HEMK2: variants seen among roughly 807,000 people sequenced by gnomAD.
The protein encoded by HEMK2 is methyltransferase HEMK2.
chr21:28,842,029 C>T, the HEMK2 span, among the ~76,000 whole-genome samples: 3 of 152,094 alleles, frequency 2.0e-5, no homozygotes, highest in African/African-American at 4.8e-5. Context: ...CTTTTCACTA[C>T]GATAAACTGT....
the HEMK2 span, among the ~76,000 whole-genome samples, chr21:28,708,500 T>G: frequency 1.3e-5 from 2 of 152,186 alleles, no homozygotes; most frequent in Non-Finnish European, 2.9e-5. Flanking sequence ...AAATAAGATA[T>G]CATGTGGGCA....
chr21:28,705,318 C>CT, the HEMK2 span, among the ~76,000 whole-genome samples: 1 of 133,102 alleles, frequency 7.5e-6, no homozygotes, highest in East Asian at 2.6e-4. Flanking sequence ...TTTTAAGACT[C>CT]TTTTTTACTA....
At chr21:28,737,024 T>C in the HEMK2 span, among the ~76,000 whole-genome samples, 1 of 152,152 alleles carries the variant, frequency 6.6e-6, no homozygotes, top group Non-Finnish European at 1.5e-5. Context: ...AACTCAGAAG[T>C]TAAAAGAGAC....
chr21:28,843,137 CAT>C, the HEMK2 span, among the ~76,000 whole-genome samples: 8 of 152,152 alleles, frequency 5.3e-5, no homozygotes, highest in African/African-American at 4.8e-5. Context: ...ACTTGAAACA[CAT>C]GTGGTTTCAA....
the HEMK2 span, among the ~76,000 whole-genome samples, chr21:28,793,462 ACTTC>A: frequency 6.6e-6 from 1 of 151,786 alleles, no homozygotes; most frequent in African/African-American, 2.4e-5. Context: ...AACCAACTTC[ACTTC>A]ACGATTCTGT....
At chr21:28,713,325 TC>T in the HEMK2 span, among the ~76,000 whole-genome samples, 1 of 152,058 alleles carries the variant, frequency 6.6e-6, no homozygotes, top group Non-Finnish European at 1.5e-5. Context: ...ACTCCGCCAC[TC>T]TATTAACAGC....
the HEMK2 span, among the ~76,000 whole-genome samples, chr21:28,664,931 C>T: frequency 6.6e-6 from 1 of 152,058 alleles, no homozygotes; most frequent in East Asian, 1.9e-4. Flanking sequence ...CACTCCTAAG[C>T]TTTTCAATTC....
the HEMK2 span, among the ~76,000 whole-genome samples, chr21:28,868,094 A>C: frequency 6.6e-6 from 1 of 152,002 alleles, no homozygotes; most frequent in Non-Finnish European, 1.5e-5. Flanking sequence ...ATGTTTCTTT[A>C]TGGACTTTCC....
At chr21:28,718,555 C>CT in the HEMK2 span, among the ~76,000 whole-genome samples, 1 of 151,776 alleles carries the variant, frequency 6.6e-6, no homozygotes, top group Non-Finnish European at 1.5e-5. Context: ...GTGGCTAAGT[C>CT]TTTTTTTAGG....
At chr21:28,775,996 T>C in the HEMK2 span, among the ~76,000 whole-genome samples, 2 of 151,714 alleles carry the variant, frequency 1.3e-5, no homozygotes, top group Non-Finnish European at 2.9e-5. Context: ...GAAGACAAAA[T>C]ATGCAATGGC....
At chr21:28,750,464 C>A in the HEMK2 span, among the ~76,000 whole-genome samples, 173 of 152,104 alleles carry the variant, frequency 1.1e-3, no homozygotes, top group African/African-American at 4.0e-3. Flanking sequence ...TCTGGGAGGC[C>A]AAGGCAGGCA....
chr21:28,820,717 T>A, the HEMK2 span, among the ~76,000 whole-genome samples: 1 of 152,216 alleles, frequency 6.6e-6, no homozygotes, highest in Admixed American at 6.5e-5. Context: ...CAGCAAACCT[T>A]CCAAGCTTTC....
the HEMK2 span, chr21:28,878,082 TTAAG>T: frequency 1.0e-6 from 1 of 967,572 alleles, no homozygotes; most frequent in Middle Eastern, 3.4e-4. Context: ...ATTAACTGTT[TTAAG>T]TGATTCATTA....
At chr21:28,747,230 C>T in the HEMK2 span, among the ~76,000 whole-genome samples, 1 of 152,090 alleles carries the variant, frequency 6.6e-6, no homozygotes, top group African/African-American at 2.4e-5. Flanking sequence ...TTCTGGGTGG[C>T]GAGAAGCAAA....
At chr21:28,755,167 C>T in the HEMK2 span, among the ~76,000 whole-genome samples, 1 of 152,066 alleles carries the variant, frequency 6.6e-6, no homozygotes, top group Non-Finnish European at 1.5e-5. Context: ...TAGGATTTTT[C>T]CAAAATGAGA....
chr21:28,807,257 T>A, the HEMK2 span, among the ~76,000 whole-genome samples: 2 of 152,144 alleles, frequency 1.3e-5, no homozygotes, highest in Non-Finnish European at 2.9e-5. Flanking sequence ...GTCTACTGCA[T>A]CTAAGTAAAG....
the HEMK2 span, among the ~76,000 whole-genome samples, chr21:28,614,648 T>C: frequency 3.3e-5 from 5 of 152,168 alleles, no homozygotes; most frequent in African/African-American, 9.7e-5. Flanking sequence ...AAAGTCCTTA[T>C]ATAAATTAGA....
the HEMK2 span, among the ~76,000 whole-genome samples, chr21:28,737,129 A>G: frequency 0.23 from 34,715 of 151,790 alleles, 4,600 homozygotes; most frequent in African/African-American, 0.35. Context: ...TGGTTGGTTA[A>G]TTGGTTGGTT....
chr21:28,689,681 C>T, the HEMK2 span, among the ~76,000 whole-genome samples: 1 of 152,250 alleles, frequency 6.6e-6, no homozygotes, highest in East Asian at 1.9e-4. Context: ...TGTGAAGAGA[C>T]ATTGAAGATG....
Sources: allele counts gnomAD v4.1 joint callset (sites outside exome capture counted in the v4.1 genomes callset), GRCh38; gene constraint gnomAD v4.1.1; transcripts MANE v1.5; gene names NCBI Gene and HGNC (gene_info 2026-07-23, HGNC 2026-07-21).